PDCL2: variants seen among roughly 807,000 people sequenced by gnomAD.
The protein encoded by PDCL2 is phosducin-like protein 2.
In PDCL2, 23 loss-of-function variants were observed where a neutral mutation model predicts 30.3. The observed-to-expected ratio is 0.76, with a 90% confidence interval of 0.55 to 1.08. The LOEUF (loss-of-function observed/expected upper bound fraction) is 1.08. Among genes scored for constraint, PDCL2 ranks in the 50% least tolerant of loss-of-function variants. The probability of loss-of-function intolerance (pLI) is 0.00; values close to 1 mark genes in which losing one functional copy is unlikely to be tolerated. For missense variants in PDCL2, 243 were observed against 282.3 expected, an observed-to-expected ratio of 0.86 and a Z score of 1.00; for synonymous variants, 68 against 86.2, an observed-to-expected ratio of 0.79 and a Z score of 1.17.
At chr4:55,563,793 T>C (rs1334511556) in intron 4 of PDCL2, among the ~76,000 whole-genome samples, 3 of 152,174 alleles carry the variant, frequency 2.0e-5, no homozygotes, top group Non-Finnish European at 2.9e-5. Context: ...AGACAGGCTA[T>C]GGGAGGCAGA....
chr4:55,556,812 A>G (rs1731980705), intron 5 of PDCL2, 101 bp from the exon 6 acceptor site: 2 of 950,854 alleles, frequency 2.1e-6, no homozygotes, highest in Non-Finnish European at 2.9e-6. Flanking sequence ...TTACCATGGA[A>G]ATGATGATAT....
chr4:55,559,211 A>G (rs1222254409), intron 5 of PDCL2, among the ~76,000 whole-genome samples: 1 of 152,234 alleles, frequency 6.6e-6, no homozygotes, highest in Non-Finnish European at 1.5e-5. Flanking sequence ...CAATCTATCA[A>G]CTATCAAGTG....
Position 55,569,718 on chromosome 4 carries a change from C to T in PDCL2, c.362G>A (p.Ser121Asn). 1 of 1,516,506 alleles carries T rather than the reference C, an allele frequency of 6.6e-7. No homozygotes were observed. The highest frequency in any genetic ancestry group is 1.3e-5 in the South Asian group (1 of 76,408). The allele number at this position is 1,516,506 out of a possible 1,614,324, so 93.9% of individuals were successfully genotyped here. ...VWVIIHLYRS[S>N]IPMCLLVNQH... is the part of the protein sequence containing the mutation. ...CATTTTGAAATATTATGGTAATTACCTTGATCTGTATAGATGAATTATAAC... is the reference window on the plus strand; with the variant it reads ...CATTTTGAAATATTATGGTAATTACTTTGATCTGTATAGATGAATTATAAC... The change falls in exon 4 of 6, where the codon AGC (serine) becomes AAC (asparagine). Residue 121 changes from serine (S) to asparagine (N), a missense_variant and splice_region_variant. Physicochemically the swap from Ser to Asn is conservative, Grantham distance 46 (BLOSUM62 1). Transcript: ENST00000295645.
At chr4:55,561,385 AC>A (rs1732133665) in intron 5 of PDCL2, among the ~76,000 whole-genome samples, 1 of 152,048 alleles carries the variant, frequency 6.6e-6, no homozygotes, top group Non-Finnish European at 1.5e-5. Context: ...AACAGGGCGA[AC>A]CCCCATCTCT....
At chr4:55,568,292 T>TC (rs1732322626) in intron 4 of PDCL2, among the ~76,000 whole-genome samples, 1 of 152,164 alleles carries the variant, frequency 6.6e-6, no homozygotes, top group Non-Finnish European at 1.5e-5. Context: ...AAGTCTACTT[T>TC]CCCCATTTAC....
intron 1 of PDCL2, among the ~76,000 whole-genome samples, chr4:55,587,240 A>G (rs1314158594): frequency 7.8e-6 from 1 of 127,808 alleles, no homozygotes; most frequent in East Asian, 2.4e-4. Flanking sequence ...AAAAAAAAAA[A>G]AAAAAAGGGA....
intron 3 of PDCL2, among the ~76,000 whole-genome samples, chr4:55,575,721 C>T (rs1732549513): frequency 1.3e-5 from 2 of 152,182 alleles, no homozygotes; most frequent in Admixed American, 6.5e-5. Flanking sequence ...GACTATCAGC[C>T]AGTTTCTCAG....
At chr4:55,573,363 T>C (rs2110160331) in intron 3 of PDCL2, among the ~76,000 whole-genome samples, 1 of 152,340 alleles carries the variant, frequency 6.6e-6, no homozygotes, top group Non-Finnish European at 1.5e-5. Flanking sequence ...ATCTACACAA[T>C]AACATTTGTC....
intron 4 of PDCL2, among the ~76,000 whole-genome samples, 170 bp downstream of exon 4, chr4:55,569,548 T>C (rs939293300): frequency 1.3e-5 from 2 of 152,186 alleles, no homozygotes; most frequent in African/African-American, 4.8e-5. Flanking sequence ...TTAAAATACC[T>C]AATTTAATCC....
At position 55,582,688 on chromosome 4, in the gene PDCL2, T is replaced by C. The variant is rs1375641162; in HGVS notation, c.7-451A>G. Among the ~76,000 whole-genome samples the C allele has an allele frequency of 8.5e-5, 13 of 152,226 alleles. No individual in the cohort carries two copies. In the South Asian group the frequency reaches 2.7e-3, roughly 32 times the overall value. ...TTGTTACATATGCATACATGTGCCA[T>C]GTTTGTGTGCTGCACCCATTAACTC... On this transcript the variant is annotated intron_variant, in intron 1 of 5. Transcript: ENST00000295645.
chr4:55,585,524 T>TCACA (rs71192022), intron 1 of PDCL2, among the ~76,000 whole-genome samples: 41 of 150,432 alleles, frequency 2.7e-4, no homozygotes, highest in East Asian at 2.2e-3. Context: ...TGAGATACTG[T>TCACA]CACACACACA....
intron 1 of PDCL2, among the ~76,000 whole-genome samples, chr4:55,583,737 A>G (rs1175520471): frequency 6.6e-6 from 1 of 152,154 alleles, no homozygotes; most frequent in Non-Finnish European, 1.5e-5. Flanking sequence ...TAAATGCATG[A>G]GTTCATTTTT....
chr4:55,588,418 G>A (rs913913469), intron 1 of PDCL2, among the ~76,000 whole-genome samples: 2 of 151,656 alleles, frequency 1.3e-5, no homozygotes, highest in Non-Finnish European at 2.9e-5. Context: ...AAGGATCAAG[G>A]ACTCTCTTAT....
chr4:55,584,253 GTT>G (rs1732803911), intron 1 of PDCL2, among the ~76,000 whole-genome samples: 5 of 151,064 alleles, frequency 3.3e-5, no homozygotes, highest in East Asian at 1.9e-4. Flanking sequence ...TGTTGTTGTT[GTT>G]TTGTTTTGTT....
chr4:55,569,215 AT>A lies in PDCL2; in HGVS notation c.362+502del, dbSNP rs199854439. 1.2e-3 allele frequency among the ~76,000 whole-genome samples: 183 copies of A among 150,938 alleles called. No homozygotes were observed. The East Asian group carries it at 0.025, about 20-fold the overall frequency. ...ACCTAAAATGGGTAGAGGAAATATA[AT>A]TTTTTTTTCTTTCCAACACCTTTAT... is the stretch of plus-strand genomic sequence containing the variant. On this transcript the variant is annotated intron_variant, in intron 4 of 5. Transcript: ENST00000295645.
chr4:55,585,341 A>C (rs1332850814), intron 1 of PDCL2, among the ~76,000 whole-genome samples: 1 of 152,160 alleles, frequency 6.6e-6, no homozygotes, highest in Non-Finnish European at 1.5e-5. Flanking sequence ...CAGCCTGGCC[A>C]ACATGGTGAA....
At position 55,582,095 on chromosome 4, in the gene PDCL2, C is replaced by T; in HGVS notation, c.127+22G>A. ...TAACTGTATTATTCCCATCATCCAG[C>T]CCACCAAATCTACGACCATACCCAT... On this transcript the variant is annotated intron_variant, in intron 2 of 5. Coordinates refer to ENST00000295645, the MANE Select transcript of PDCL2 (RefSeq NM_152401.3). 1.9e-6 allele frequency: 3 copies of T among 1,611,126 alleles called. 1 individual carries two copies. Among genetic ancestry groups the T allele is most frequent in the Non-Finnish European group, 1.7e-6 (2 of 1,179,112 alleles).
At chr4:55,576,551 T>A (rs1247625947) in intron 3 of PDCL2, among the ~76,000 whole-genome samples, 1 of 152,214 alleles carries the variant, frequency 6.6e-6, no homozygotes, top group African/African-American at 2.4e-5. Context: ...TTACATGCTA[T>A]TGACTCTAAG....
At chr4:55,587,021 A>T (rs971017582) in intron 1 of PDCL2, among the ~76,000 whole-genome samples, 1 of 146,752 alleles carries the variant, frequency 6.8e-6, no homozygotes, top group African/African-American at 2.8e-5. Context: ...ATAACAAAAT[A>T]TCTTAGACTG....
Sources: gnomAD v4.1 joint callset for allele counts (sites outside exome capture counted in the v4.1 genomes callset) on GRCh38, gnomAD v4.1.1 for gene constraint, MANE v1.5 for transcripts, NCBI Gene and HGNC (gene_info 2026-07-23, HGNC 2026-07-21) for gene names.